Variants in MAP3K21 observed in about 807,000 individuals in gnomAD.
The protein encoded by MAP3K21 is mitogen-activated protein kinase kinase kinase MLK4.
A neutral mutation model predicts 86.1 loss-of-function variants in MAP3K21; 63 were observed. The observed-to-expected ratio is 0.73, with a 90% CI of 0.60 to 0.90. The LOEUF (loss-of-function observed/expected upper bound fraction) is 0.90. MAP3K21 is among the 40% of genes least tolerant of loss of function. MAP3K21 has a pLI of 0.00. For synonymous variants in MAP3K21, 558 were observed against 564.8 expected (o/e 0.99, Z 0.17); for missense variants, 1,220 against 1,367.7 (o/e 0.89, Z 1.70).
At position 233,378,981 on chromosome 1, in the gene MAP3K21, C is replaced by T. The variant is rs777648789; in HGVS notation, c.1975C>T (p.Pro659Ser). The change falls in exon 9 of 10, where the codon CCA becomes TCA. Residue 659 changes from proline (P) to serine (S), a missense_variant. By Grantham distance (74) the Pro-to-Ser change is moderately conservative. Around this residue, in one of 5 missense-constraint regions of MAP3K21, gnomAD observed 632 missense variants for 691.3 expected, o/e 0.91. Transcript: ENST00000366624. ...CCCTGATGGATTAGAACACAGAAAA[C>T]CAAAACAAATAAAATTGCCTAGTCA... Reference protein sequence around the residue: ...LSPDGLEHRKPKQIKLPSQAY... With the variant: ...LSPDGLEHRKSKQIKLPSQAY... 3 of 1,613,968 alleles carry T rather than the reference C, an allele frequency of 1.9e-6. No individual in the cohort carries two copies. The African/African-American group carries it at 4.0e-5, about 22-fold the overall frequency.
chr1:233,336,801 C>T (rs1284316208), intron 1 of MAP3K21, among the ~76,000 whole-genome samples: 1 of 152,162 alleles, frequency 6.6e-6, no homozygotes, highest in East Asian at 1.9e-4. Flanking sequence ...GTTCTGAGGA[C>T]CAGATTTATG....
At chr1:233,339,331 C>CTTCTCCTTCT in intron 1 of MAP3K21, among the ~76,000 whole-genome samples, 1 of 98,616 alleles carries the variant, frequency 1.0e-5, no homozygotes, top group South Asian at 3.2e-4. Flanking sequence ...CTTCTTCTTC[C>CTTCTCCTTCT]TCTTCTTCTC....
rs766026191 is a variant in MAP3K21 at position 233,382,697 on chromosome 1, G to T, written c.3097G>T (p.Glu1033Ter). ...SRPSIYELEK[E>*]FLS ...GCCATCTATATATGAACTGGAGAAAGAATTCCTGTCTTAAACTAAGTGCCT... is the reference window on the plus strand; with the variant it reads ...GCCATCTATATATGAACTGGAGAAATAATTCCTGTCTTAAACTAAGTGCCT... The change falls in exon 10 of 10, where the codon GAA becomes TAA. Residue 1033 changes from glutamate (E) to a stop codon, truncating the protein, a stop_gained. Coordinates refer to ENST00000366624, the MANE Select transcript of MAP3K21 (RefSeq NM_032435.3). LOFTEE classifies it high-confidence loss of function. 3 of 1,611,948 alleles carry T rather than the reference G, an allele frequency of 1.9e-6. No individual in the cohort carries two copies. In the African/African-American group the frequency reaches 4.0e-5, roughly 22 times the overall value.
Position 233,382,819 on chromosome 1 carries a change from A to G in MAP3K21, c.*108A>G, listed in dbSNP as rs1663945143. 2 of 943,646 alleles carry G rather than the reference A, an allele frequency of 2.1e-6. No homozygotes were observed. The highest frequency in any genetic ancestry group is 3.1e-6 in the Non-Finnish European group (2 of 637,616). 58.5% of individuals were successfully genotyped at this position (943,646 alleles called of 1,614,324 possible). On this transcript the variant is annotated 3_prime_UTR_variant, in exon 10 of 10. Coordinates refer to ENST00000366624, the MANE Select transcript of MAP3K21 (RefSeq NM_032435.3). ...TGCTGTGTTTTCAAAAGCTGTGGCC[A>G]TGTTCCTAAATTAGTAAGATATATC...
chr1:233,338,916 G>C (rs556801772), intron 1 of MAP3K21, among the ~76,000 whole-genome samples: 3 of 152,310 alleles, frequency 2.0e-5, no homozygotes, highest in East Asian at 3.9e-4. Context: ...AGCATGAAAA[G>C]GTATGTAAAG....
rs1480791255 is a variant in MAP3K21 at position 233,339,295 on chromosome 1, T to C, written c.806-7147T>C. On this transcript the variant is annotated intron_variant, in intron 1 of 9. Transcript: ENST00000366624. ...CTTCTTCTTCTTCTTCTTCTTCCTC[T>C]TCTTCTTCCTCTTCTTCTTCCTCTT... is the stretch of plus-strand genomic sequence containing the variant. 1.0e-4 allele frequency among the ~76,000 whole-genome samples: 14 copies of C among 136,458 alleles called. 1 individual carries two copies. Among genetic ancestry groups the C allele is most frequent in the Non-Finnish European group, 1.5e-4 (9 of 62,040 alleles). The allele number at this position is 136,458 out of a possible 152,430, so 89.5% of individuals were successfully genotyped here.
rs377655872 is a variant in MAP3K21, at chr1:233,339,353, TCTTCTC to T, written c.806-7080_806-7075del. On this transcript the variant is annotated intron_variant, in intron 1 of 9. Coordinates refer to ENST00000366624, the MANE Select transcript of MAP3K21 (RefSeq NM_032435.3). Reference sequence around the variant, plus strand: ...TTCCTCTTCTTCTCCCTCTTCTCCCTCTTCTCCTTCTCCTCCTTCTCCTTCTTCTCC... The same window carrying T: ...TTCCTCTTCTTCTCCCTCTTCTCCCTCTTCTCCTCCTTCTCCTTCTTCTCC... Among the ~76,000 whole-genome samples the T allele has an allele frequency of 5.3e-3, 221 of 41,768 alleles. 6 individuals are homozygous for T. Among genetic ancestry groups the T allele is most frequent in the East Asian group, 8.3e-3 (3 of 362 alleles). 27.4% of individuals were successfully genotyped at this position (41,768 alleles called of 152,430 possible). A position where few individuals can be genotyped will look rare whatever the true frequency, so the allele number is the denominator to read the frequency against.
intron 6 of MAP3K21, chr1:233,372,716 G>A (rs1663709079): frequency 6.5e-6 from 1 of 152,672 alleles, no homozygotes; most frequent in African/African-American, 2.4e-5. Flanking sequence ...TTTGCATTGT[G>A]AGAGTTTCAG....
chr1:233,375,542 G>A (rs1663776199), intron 6 of MAP3K21, among the ~76,000 whole-genome samples: 1 of 152,134 alleles, frequency 6.6e-6, no homozygotes. Flanking sequence ...AACTTTAACT[G>A]ATTTGGTTAA....
At chr1:233,339,365 C>T (rs141597221) in intron 1 of MAP3K21, among the ~76,000 whole-genome samples, 47,835 of 80,346 alleles carry the variant, frequency 0.6, 14,580 homozygotes, top group East Asian at 0.81. Flanking sequence ...TTCTCCTTCT[C>T]CTCCTTCTCC....
chr1:233,357,301 G>A (rs1663377865), intron 4 of MAP3K21, among the ~76,000 whole-genome samples: 1 of 151,912 alleles, frequency 6.6e-6, no homozygotes, highest in South Asian at 2.1e-4. Context: ...TATACCTAAT[G>A]TAAATGATGA....
chr1:233,380,366 A>G (rs1016065493), intron 9 of MAP3K21, among the ~76,000 whole-genome samples: 4 of 152,044 alleles, frequency 2.6e-5, no homozygotes, highest in African/African-American at 7.3e-5. Flanking sequence ...TCTGTGTCCT[A>G]ATCTCTTTTT....
intron 1 of MAP3K21, among the ~76,000 whole-genome samples, chr1:233,345,726 T>TATA (rs72300159): frequency 0.29 from 41,706 of 145,832 alleles, 6,982 homozygotes; most frequent in Non-Finnish European, 0.39. Context: ...GAACTCAAAG[T>TATA]ATAATAATAA....
intron 5 of MAP3K21, among the ~76,000 whole-genome samples, chr1:233,364,466 A>G (rs1219298634): frequency 6.6e-6 from 1 of 152,230 alleles, no homozygotes; most frequent in African/African-American, 2.4e-5. Context: ...GAAAGGATTA[A>G]GAAGCTGATG....
Position 233,362,093 on chromosome 1 carries a change from T to G in MAP3K21, c.1352T>G (p.Leu451Arg). ...GAAGAGGAGCTGACTCGGGCGGCTCTGCAGCAGAAGTCTCAGGAGGAGCTG... is the reference window on the plus strand; with the variant it reads ...GAAGAGGAGCTGACTCGGGCGGCTCGGCAGCAGAAGTCTCAGGAGGAGCTG... ...SREEELTRAA[L>R]QQKSQEELLK... Residue 451 changes from leucine to arginine, a missense_variant, in exon 5 of 10, where the codon CTG (leucine) becomes CGG (arginine). Physicochemically the swap from Leu to Arg is moderately radical, Grantham distance 102. Around this residue, in one of 5 missense-constraint regions of MAP3K21, gnomAD observed 126 missense variants for 127.7 expected, o/e 0.99. Coordinates refer to ENST00000366624, the MANE Select transcript of MAP3K21 (RefSeq NM_032435.3). 6.2e-7 allele frequency: 1 copy of G among 1,613,398 alleles called. No individual in the cohort carries two copies.
At chr1:233,342,116 A>T (rs888379615) in intron 1 of MAP3K21, among the ~76,000 whole-genome samples, 6 of 152,150 alleles carry the variant, frequency 3.9e-5, no homozygotes, top group Admixed American at 2.6e-4. Context: ...CTTTATATTC[A>T]TAGGGAATAA....
chr1:233,372,551 T>A (rs1663706026), intron 6 of MAP3K21: 1 of 224,254 alleles, frequency 4.5e-6, no homozygotes, highest in South Asian at 1.8e-4. Flanking sequence ...TTTCTTTGTT[T>A]CGTGAGGGGA....
chr1:233,366,347 T>G (rs1345586126), intron 5 of MAP3K21, among the ~76,000 whole-genome samples: 1 of 152,142 alleles, frequency 6.6e-6, no homozygotes, highest in Non-Finnish European at 1.5e-5. Context: ...GAGAGGATAT[T>G]GAATGTTCAC....
In MAP3K21 at chr1:233,379,091, G is replaced by A. The variant is rs148462440; in HGVS notation, c.2085G>A (p.Ala695=). Residue 695 remains alanine (A), a synonymous_variant, in exon 9 of 10, where the codon GCG becomes GCA. Coordinates refer to ENST00000366624, the MANE Select transcript of MAP3K21 (RefSeq NM_032435.3). The part of the protein sequence containing the change: ...EAESWEEAAS[A]NAATVSIEMT... ...AAAGCTGGGAGGAGGCAGCCTCTGC[G>A]AATGCTGCCACAGTCTCCATTGAGA... 4.3e-5 allele frequency: 70 copies of A among 1,614,188 alleles called. No individual in the cohort carries two copies. The African/African-American group carries it at 6.1e-4, about 14-fold the overall frequency.
Sources: gnomAD v4.1 joint callset for allele counts (sites outside exome capture counted in the v4.1 genomes callset) on GRCh38, gnomAD v4.1.1 for gene constraint, gnomAD v4.1.1 regional missense constraint, MANE v1.5 for transcripts, NCBI Gene and HGNC (gene_info 2026-07-23, HGNC 2026-07-21) for gene names.